The following ACAD10 variants were observed in gnomAD, a reference collection of about 807,000 sequenced individuals.
The protein encoded by ACAD10 is acyl-CoA dehydrogenase family member 10.
Under a neutral mutation model 116.8 loss-of-function variants are expected in ACAD10, and 112 were observed. That is an observed-to-expected ratio of 0.96 (90% CI 0.82 to 1.12). The LOEUF (loss-of-function observed/expected upper bound fraction) is 1.12, where lower values mean the gene tolerates loss of function less well. Ranked by LOEUF, ACAD10 falls within the 50% of genes most tolerant of loss-of-function variation. ACAD10 has a pLI of 0.00. For synonymous variants in ACAD10, 486 were observed against 510.6 expected (o/e 0.95, Z 0.65); for missense variants, 1,259 against 1,350.2 (o/e 0.93, Z 1.06).
In ACAD10 at chr12:111,709,648, A is replaced by G; in HGVS notation, c.654A>G (p.Leu218=). Residue 218 remains leucine (L), a synonymous_variant, in exon 5 of 21, where the codon CTA becomes CTG. Transcript: ENST00000313698. ...TTCTTGATGACCTTGGAACAAATCT[A>G]AAAGAAGCTGCCAGACTTGGTATTC... ...SIFLDDLGTN[L]KEAARLGIHT... is the part of the protein sequence containing the mutation. The G allele has an allele frequency of 6.2e-7, 1 of 1,613,806 alleles. No individual in the cohort carries two copies. The highest frequency in any genetic ancestry group is 8.5e-7 in the Non-Finnish European group (1 of 1,179,946).
chr12:111,729,903 G>A lies in ACAD10; in HGVS notation c.1341G>A (p.Leu447=), dbSNP rs371183790. 6.2e-7 allele frequency: 1 copy of A among 1,614,144 alleles called. No individual in the cohort carries two copies. The highest frequency in any genetic ancestry group is 8.5e-7 in the Non-Finnish European group (1 of 1,180,026). ...IPAMERLIEW[L]PLHLPRQQRT... ...CCATGGAGAGGCTGATCGAATGGCT[G>A]CCCCTCCATCTTCCCCGTCAGCAGA... The change falls in exon 10 of 21, where the codon CTG becomes CTA. Residue 447 remains leucine (L), a synonymous_variant. Transcript: ENST00000313698.
rs1198331670 is a variant in ACAD10 at position 111,744,630 on chromosome 12, T to C, written c.1715-13T>C. 4.4e-6 allele frequency: 7 copies of C among 1,601,402 alleles called. No homozygotes were observed. Among genetic ancestry groups the C allele is most frequent in the Non-Finnish European group, 3.4e-6 (4 of 1,172,464 alleles). On this transcript the variant is annotated splice_polypyrimidine_tract_variant and intron_variant, in intron 12 of 20. Coordinates refer to ENST00000313698, the MANE Select transcript of ACAD10 (RefSeq NM_025247.6). ...TGTGGGAGTAATCACTGTTTTTCTT[T>C]GATTCTGCTTAGGGCAAGCAAGCTC...
intron 5 of ACAD10, among the ~76,000 whole-genome samples, chr12:111,712,078 A>G (rs769965633): frequency 7.9e-5 from 12 of 152,236 alleles, no homozygotes; most frequent in Non-Finnish European, 1.6e-4. Context: ...GGACAAATAC[A>G]GAATGTAAAG....
intron 2 of ACAD10, among the ~76,000 whole-genome samples, chr12:111,700,121 G>T (rs945270234): frequency 2.0e-5 from 3 of 152,098 alleles, no homozygotes; most frequent in Non-Finnish European, 4.4e-5. Flanking sequence ...TAGGGAGGCT[G>T]AGGTGAAGGT....
intron 2 of ACAD10, among the ~76,000 whole-genome samples, chr12:111,699,395 C>T (rs1205315095): frequency 6.6e-6 from 1 of 152,092 alleles, no homozygotes; most frequent in Non-Finnish European, 1.5e-5. Flanking sequence ...TCGACCCTTT[C>T]CCAGTTGGTT....
chr12:111,735,646 G>A (rs957451420), intron 11 of ACAD10, among the ~76,000 whole-genome samples: 1 of 151,962 alleles, frequency 6.6e-6, no homozygotes, highest in Admixed American at 6.6e-5. Flanking sequence ...TAGTAGACAT[G>A]GGGTTTCACC....
chr12:111,744,882 CT>C lies in ACAD10; in HGVS notation c.1955del (p.Leu652ArgfsTer19). On this transcript the variant is annotated frameshift_variant, in exon 13 of 21. Transcript: ENST00000313698. LOFTEE classifies it high-confidence loss of function. ...ASPAHTSRGG[L>X]VISPESLSPP... ...CCCAGCTCATACCTCAAGGGGAGGT[CT>C]GGTTATCTCTCCAGAGAGCCTCTCT... 7 of 1,614,196 alleles carry C rather than the reference CT, an allele frequency of 4.3e-6. No individual in the cohort carries two copies. Among genetic ancestry groups the C allele is most frequent in the Non-Finnish European group, 5.9e-6 (7 of 1,180,032 alleles).
At chr12:111,704,144 T>C (rs985203330) in intron 3 of ACAD10, among the ~76,000 whole-genome samples, 2 of 151,574 alleles carry the variant, frequency 1.3e-5, no homozygotes, top group Non-Finnish European at 2.9e-5. Context: ...CTTTTTTTTT[T>C]TTTAATTTTT....
intron 8 of ACAD10, among the ~76,000 whole-genome samples, chr12:111,726,964 A>G (rs748497524): frequency 1.3e-4 from 19 of 151,620 alleles, no homozygotes; most frequent in Admixed American, 3.3e-4. Flanking sequence ...AGTGGCTCAC[A>G]CACGTAATCC....
chr12:111,698,297 CTTT>C (rs1253211670), intron 2 of ACAD10, among the ~76,000 whole-genome samples: 1 of 119,796 alleles, frequency 8.3e-6, no homozygotes, highest in Non-Finnish European at 1.8e-5. Context: ...TGCATCTGGC[CTTT>C]TTTTTTTTTT....
At chr12:111,747,011 G>T (rs1258672573) in intron 14 of ACAD10, 38 bp from the exon 15 acceptor site, 5 of 1,537,864 alleles carry the variant, frequency 3.3e-6, no homozygotes, top group Non-Finnish European at 4.4e-6. Flanking sequence ...TTTAGAAGAG[G>T]ACATGACAGT....
chr12:111,699,016 C>T (rs976137167), intron 2 of ACAD10, among the ~76,000 whole-genome samples: 1 of 151,662 alleles, frequency 6.6e-6, no homozygotes, highest in East Asian at 1.9e-4. Flanking sequence ...GGTAGCTGCA[C>T]TATAGGCTCG....
At chr12:111,733,324 C>T (rs2135978269) in intron 10 of ACAD10, among the ~76,000 whole-genome samples, 1 of 152,178 alleles carries the variant, frequency 6.6e-6, no homozygotes, top group African/African-American at 2.4e-5. Context: ...TGGTCTTGAA[C>T]TCCTGAGCTT....
At chr12:111,722,532 G>GCCTTC (rs1889045219) in intron 8 of ACAD10, among the ~76,000 whole-genome samples, 1 of 151,900 alleles carries the variant, frequency 6.6e-6, no homozygotes, top group African/African-American at 2.4e-5. Context: ...GGACCCTGCG[G>GCCTTC]CCTTCCGCAG....
In ACAD10 at chr12:111,728,053, C is replaced by T. The variant is rs773475147; in HGVS notation, c.1153C>T (p.Arg385Ter). ...GCCAGGCTTGGAGCCCAGCCACAGA[C>T]GAGCCATATACACTGCCATGAACAC... ...SLPGLEPSHR[R>*]AIYTAMNTVL... is the part of the protein sequence containing the mutation. Residue 385 changes from arginine (R) to a stop codon, truncating the protein, a stop_gained, in exon 9 of 21, where the codon CGA (arginine) becomes TGA (stop). Coordinates refer to ENST00000313698, the MANE Select transcript of ACAD10 (RefSeq NM_025247.6). LOFTEE classifies it high-confidence loss of function. 36 of 1,613,844 alleles carry T rather than the reference C, an allele frequency of 2.2e-5. No homozygotes were observed. The highest frequency in any genetic ancestry group is 2.9e-5 in the Non-Finnish European group (34 of 1,180,014).
chr12:111,704,385 C>A (rs1052039097), intron 3 of ACAD10, among the ~76,000 whole-genome samples: 2 of 152,088 alleles, frequency 1.3e-5, no homozygotes, highest in African/African-American at 2.4e-5. Flanking sequence ...TGTGATCCGC[C>A]CACCTTGGCC....
chr12:111,723,137 C>T (rs1202837036), intron 8 of ACAD10, among the ~76,000 whole-genome samples: 2 of 140,838 alleles, frequency 1.4e-5, no homozygotes, highest in Non-Finnish European at 3.1e-5. Flanking sequence ...GCTAGCCGGG[C>T]GGGGGGCTGA....
chr12:111,744,600 G>T, intron 12 of ACAD10, 43 bp from the exon 13 acceptor site: 1 of 1,575,166 alleles, frequency 6.3e-7, no homozygotes, highest in African/African-American at 1.3e-5. Context: ...CCCTATGATG[G>T]GTCGTGTGGG....
intron 18 of ACAD10, chr12:111,753,343 G>A: frequency 2.6e-6 from 1 of 378,846 alleles, no homozygotes; most frequent in South Asian, 2.0e-5. Context: ...GCAGGAAGGG[G>A]TGCTGCGGTC....
Sources: gnomAD v4.1 joint callset for allele counts (sites outside exome capture counted in the v4.1 genomes callset) on GRCh38, gnomAD v4.1.1 for gene constraint, MANE v1.5 for transcripts, NCBI Gene and HGNC (gene_info 2026-07-23, HGNC 2026-07-21) for gene names.